RETREG2: variants seen among roughly 807,000 people sequenced by gnomAD.
The protein encoded by RETREG2 is reticulophagy regulator family member 2, also known as reticulophagy regulator 2.
Under a neutral mutation model 51.6 loss-of-function variants are expected in RETREG2, and 21 were observed. That is an observed-to-expected ratio of 0.41 (90% CI 0.29 to 0.59). The LOEUF (loss-of-function observed/expected upper bound fraction) is 0.59, where lower values mean the gene tolerates loss of function less well. RETREG2 is among the 20% of genes least tolerant of loss of function. The pLI, the probability that RETREG2 is intolerant of heterozygous loss-of-function variation, is 0.34. For missense variants in RETREG2, 674 were observed against 646.0 expected (o/e 1.04, Z -0.47); for synonymous variants, 339 against 288.6 (o/e 1.17, Z -1.77).
chr2:219,180,352 A>C, intron 4 of RETREG2, 107 bp downstream of exon 4: 1 of 1,472,406 alleles, frequency 6.8e-7, no homozygotes, highest in Non-Finnish European at 9.4e-7. Flanking sequence ...ACCCTGAAAG[A>C]AGAGGCCTGG....
rs1177375125 is a variant in RETREG2 at position 219,181,393 on chromosome 2, C to T, written c.809C>T (p.Pro270Leu). The T allele has an allele frequency of 1.9e-6, 3 of 1,614,068 alleles. No individual in the cohort carries two copies. ...KRKRQGKNAP[P>L]GGDEPLAETE... is the part of the protein sequence containing the mutation. ...GAGCGTCAGGGGAAGAATGCACCCC[C>T]AGGAGGTGATGAGCCACTGGCAGAG... The change falls in exon 7 of 9, where the codon CCA (proline) becomes CTA (leucine). Residue 270 changes from proline (P) to leucine (L), a missense_variant. Physicochemically the swap from Pro to Leu is moderately conservative, Grantham distance 98 (BLOSUM62 -3). Coordinates refer to ENST00000430297, the MANE Select transcript of RETREG2 (RefSeq NM_024293.6).
At chr2:219,180,597 A>G in intron 4 of RETREG2, 73 bp from the exon 5 acceptor site, 1 of 1,610,078 alleles carries the variant, frequency 6.2e-7, no homozygotes, top group Non-Finnish European at 8.5e-7. Flanking sequence ...CCAGCTGAGC[A>G]GTAGTTTCTT....
At position 219,184,464 on chromosome 2, in the gene RETREG2, C is replaced by T. The variant is rs1950323176; in HGVS notation, c.*1835C>T. On this transcript the variant is annotated 3_prime_UTR_variant, in exon 9 of 9. Coordinates refer to ENST00000430297, the MANE Select transcript of RETREG2 (RefSeq NM_024293.6). ...GTCTTTCTGAGGTTGACTTTTATGC[C>T]ATGTCTTTCCTAAGTGTGTAAGAAT... 6.6e-6 allele frequency: 1 copy of T among 152,078 alleles called. No individual in the cohort carries two copies. Among genetic ancestry groups the T allele is most frequent in the Non-Finnish European group, 1.5e-5 (1 of 68,034 alleles). 9.4% of individuals were successfully genotyped at this position (152,078 alleles called of 1,614,324 possible). A position where few individuals can be genotyped will look rare whatever the true frequency, so the allele number is the denominator to read the frequency against.
intron 5 of RETREG2, 67 bp downstream of exon 5, chr2:219,180,821 A>G: frequency 6.5e-7 from 1 of 1,542,104 alleles, no homozygotes. Context: ...ACTGACCCAG[A>G]GGGAAGACTA....
intron 3 of RETREG2, 26 bp downstream of exon 3, chr2:219,179,789 CAA>C (rs759285678): frequency 1.7e-5 from 28 of 1,609,202 alleles, no homozygotes; most frequent in Non-Finnish European, 2.0e-5. Flanking sequence ...CTCTTGAAGA[CAA>C]ATGCCCACAT....
intron 5 of RETREG2, 86 bp downstream of exon 5, chr2:219,180,840 C>G (rs985469972): frequency 1.6e-5 from 24 of 1,481,966 alleles, no homozygotes; most frequent in Non-Finnish European, 1.9e-5. Flanking sequence ...TATGCTCTCT[C>G]TGCTCAGTTT....
rs1203632413 is a variant in RETREG2, at chr2:219,182,283, C to T, written c.1286C>T (p.Pro429Leu). 1.2e-6 allele frequency: 2 copies of T among 1,614,126 alleles called. No homozygotes were observed. The highest frequency in any genetic ancestry group is 2.2e-5 in the East Asian group (1 of 44,882). ...PDGVKCSPGGPVETLSPETVS... is the reference protein window; with the variant it reads ...PDGVKCSPGGLVETLSPETVS... ...GGAGTGAAATGCTCCCCTGGAGGACCAGTGGAGACACTGAGCCCCGAGACA... is the reference window on the plus strand; with the variant it reads ...GGAGTGAAATGCTCCCCTGGAGGACTAGTGGAGACACTGAGCCCCGAGACA... Residue 429 changes from proline (P) to leucine (L), a missense_variant, in exon 9 of 9, where the codon CCA becomes CTA. Coordinates refer to ENST00000430297, the MANE Select transcript of RETREG2 (RefSeq NM_024293.6).
chr2:219,181,604 C>G, intron 7 of RETREG2, 36 bp from the exon 8 acceptor site: 2 of 1,610,886 alleles, frequency 1.2e-6, no homozygotes, highest in South Asian at 1.1e-5. Flanking sequence ...TCTCTTATCC[C>G]CTCACATGTC....
Position 219,180,146 on chromosome 2 carries a change from G to T in RETREG2, c.456G>T (p.Leu152=), listed in dbSNP as rs1310653604. ...GGTCAGGCGCCCGGCCGCACCTGCT[G>T]AGTGTGCCCGAGTTGTGCAGATACC... ...GAGSGARPHL[L]SVPELCRYLA... Residue 152 remains leucine (L), a synonymous_variant, in exon 4 of 9, where the codon CTG becomes CTT. Transcript: ENST00000430297. The T allele has an allele frequency of 1.2e-6, 2 of 1,614,078 alleles. No homozygotes were observed. Among genetic ancestry groups the T allele is most frequent in the Non-Finnish European group, 1.7e-6 (2 of 1,180,036 alleles).
chr2:219,180,941 G>A (rs1207075487), intron 5 of RETREG2, 121 bp from the exon 6 acceptor site: 2 of 1,448,350 alleles, frequency 1.4e-6, no homozygotes, highest in East Asian at 2.3e-5. Flanking sequence ...GCAAGAAGAG[G>A]TTGGCACAGC....
intron 8 of RETREG2, 57 bp downstream of exon 8, chr2:219,181,832 T>C: frequency 6.3e-7 from 1 of 1,599,868 alleles, no homozygotes. Flanking sequence ...TTCCCTACCA[T>C]GGGTACTTAC....
Position 219,180,719 on chromosome 2 carries a change from A to T in RETREG2, c.605A>T (p.His202Leu), listed in dbSNP as rs757955630. 6.2e-6 allele frequency: 10 copies of T among 1,613,972 alleles called. No individual in the cohort carries two copies. Among genetic ancestry groups the T allele is most frequent in the Admixed American group, 3.3e-5 (2 of 60,006 alleles). Residue 202 changes from histidine to leucine, a missense_variant, in exon 5 of 9, where the codon CAC becomes CTC. Coordinates refer to ENST00000430297, the MANE Select transcript of RETREG2 (RefSeq NM_024293.6). Reference protein sequence around the residue: ...SGCAVLAVLGHYVPGIMISYI... With the variant: ...SGCAVLAVLGLYVPGIMISYI... Reference sequence around the variant, plus strand: ...TGTGCTGTGTTGGCTGTGTTGGGACACTATGTTCCAGGGATTATGATTTCC... The same window carrying T: ...TGTGCTGTGTTGGCTGTGTTGGGACTCTATGTTCCAGGGATTATGATTTCC...
chr2:219,179,361 C>T lies in RETREG2; in HGVS notation c.388+333C>T, dbSNP rs73074986. On this transcript the variant is annotated intron_variant, in intron 2 of 8. Coordinates refer to ENST00000430297, the MANE Select transcript of RETREG2 (RefSeq NM_024293.6). The stretch of plus-strand genomic sequence containing the variant: ...TATCTGTAAAACACAGATGATAGAA[C>T]TTACTTCATAGAGAGGTGAGGAGAG... 2.3e-3 allele frequency among the ~76,000 whole-genome samples: 354 copies of T among 152,222 alleles called. 3 individuals carry two copies. Among genetic ancestry groups the T allele is most frequent in the African/African-American group, 7.4e-3 (307 of 41,504 alleles).
chr2:219,184,727 A>G lies in RETREG2; in HGVS notation c.*2098A>G, dbSNP rs186160845. ...AAGCTTGGACATTGACAATAGAACC[A>G]GAAGCTTGTAGCTGGATCAAAATAT... is the stretch of plus-strand genomic sequence containing the variant. On this transcript the variant is annotated 3_prime_UTR_variant, in exon 9 of 9. Coordinates refer to ENST00000430297, the MANE Select transcript of RETREG2 (RefSeq NM_024293.6). The G allele has an allele frequency of 1.9e-3, 288 of 152,268 alleles. 1 individual carries two copies. The highest frequency in any genetic ancestry group is 6.7e-3 in the African/African-American group (277 of 41,554). 9.4% of individuals were successfully genotyped at this position (152,268 alleles called of 1,614,324 possible).
At position 219,178,375 on chromosome 2, in the gene RETREG2, G is replaced by A; in HGVS notation, c.23G>A (p.Gly8Asp). 6.3e-6 allele frequency: 3 copies of A among 474,848 alleles called. No homozygotes were observed. The highest frequency in any genetic ancestry group is 3.5e-5 in the East Asian group (1 of 28,400). The allele number at this position is 474,848 out of a possible 1,614,324, so 29.4% of individuals were successfully genotyped here. A position where few individuals can be genotyped will look rare whatever the true frequency, so the allele number is the denominator to read the frequency against. The stretch of plus-strand genomic sequence containing the variant: ...GCTATGGCGAGCGGCGGTGGCGGGG[G>A]TAACACTGGCGCGGGTGGGGGGCCG... MASGGGG[G>D]NTGAGGGPGM... Residue 8 changes from glycine to aspartate, a missense_variant, in exon 1 of 9, where the codon GGT (glycine) becomes GAT (aspartate). By Grantham distance (94) the Gly-to-Asp change is moderately conservative. Transcript: ENST00000430297.
intron 2 of RETREG2, 86 bp downstream of exon 2, chr2:219,179,114 CGTA>C: frequency 9.9e-7 from 1 of 1,006,734 alleles, no homozygotes; most frequent in Non-Finnish European, 1.6e-6. Context: ...GCGAGGGGAA[CGTA>C]CAGCAGGCCA....
At chr2:219,181,260 G>A (rs771291049) in intron 6 of RETREG2, 55 bp downstream of exon 6, 10 of 1,611,256 alleles carry the variant, frequency 6.2e-6, no homozygotes, top group Non-Finnish European at 8.5e-6. Context: ...CTTGGCTTGG[G>A]GTTCATGAGA....
At position 219,182,612 on chromosome 2, in the gene RETREG2, G is replaced by C; in HGVS notation, c.1615G>C (p.Ala539Pro). The change falls in exon 9 of 9, where the codon GCC (alanine) becomes CCC (proline). Residue 539 changes from alanine to proline, a missense_variant. Coordinates refer to ENST00000430297, the MANE Select transcript of RETREG2 (RefSeq NM_024293.6). ...SLVQSDQEAQ[A>P]VAEP The stretch of plus-strand genomic sequence containing the variant: ...GGTACAGTCAGACCAAGAAGCTCAG[G>C]CCGTGGCAGAGCCATGAGCCAGCCG... The C allele has an allele frequency of 1.2e-6, 2 of 1,614,022 alleles. No individual in the cohort carries two copies. Among genetic ancestry groups the C allele is most frequent in the Non-Finnish European group, 1.7e-6 (2 of 1,179,898 alleles).
intron 5 of RETREG2, 152 bp downstream of exon 5, chr2:219,180,906 C>A (rs918532239): frequency 3.0e-6 from 4 of 1,350,888 alleles, no homozygotes; most frequent in South Asian, 1.3e-5. Flanking sequence ...GGAAGACTTA[C>A]CTGGGGAGGA....
Sources: gnomAD v4.1 joint callset for allele counts (sites outside exome capture counted in the v4.1 genomes callset) on GRCh38, gnomAD v4.1.1 for gene constraint, MANE v1.5 for transcripts, NCBI Gene and HGNC (gene_info 2026-07-23, HGNC 2026-07-21) for gene names.